Variants in PNPLA7 observed in about 807,000 individuals in gnomAD.
The protein encoded by PNPLA7 is patatin like domain 7, lysophospholipase.
Under a neutral mutation model 161.7 loss-of-function variants are expected in PNPLA7, and 153 were observed. That is an observed-to-expected ratio of 0.95 (90% CI 0.83 to 1.08). PNPLA7 has a LOEUF of 1.08. Among genes scored for constraint, PNPLA7 ranks in the 50% least tolerant of loss-of-function variants. The pLI, the probability that PNPLA7 is intolerant of heterozygous loss-of-function variation, is 0.00. For missense variants in PNPLA7, 1,739 were observed against 1,856.6 expected (o/e 0.94, Z 1.16); for synonymous variants, 809 against 782.1 (o/e 1.03, Z -0.57).
chr9:137,510,896 G>C (rs1261106915), intron 12 of PNPLA7, among the ~76,000 whole-genome samples: 1 of 152,268 alleles, frequency 6.6e-6, no homozygotes, highest in Non-Finnish European at 1.5e-5. Context: ...TAGGATAAGA[G>C]AAAGTTATAT....
rs139510260 is a variant in PNPLA7 at position 137,543,485 on chromosome 9, G to C, written c.453C>G (p.Asp151Glu). The C allele has an allele frequency of 6.2e-6, 10 of 1,613,986 alleles. No individual in the cohort carries two copies. The highest frequency in any genetic ancestry group is 2.2e-5 in the South Asian group (2 of 91,090). Residue 151 changes from aspartate to glutamate, a missense_variant, in exon 6 of 35, where the codon GAC becomes GAG. Coordinates refer to ENST00000406427, the MANE Select transcript of PNPLA7 (RefSeq NM_001098537.3). The surrounding 1 kb of genome is among the most constrained non-coding windows in gnomAD (Gnocchi z 6.9). ...SLLEADLTEFDVKNSHLPSEV... is the reference protein window; with the variant it reads ...SLLEADLTEFEVKNSHLPSEV... ...CCGATGGCAGGTGAGAATTCTTCAC[G>C]TCAAACTCCGTGAGGTCGGCCTCCA...
chr9:137,488,614 C>T (rs1346486532), intron 20 of PNPLA7, among the ~76,000 whole-genome samples: 1 of 152,182 alleles, frequency 6.6e-6, no homozygotes, highest in Non-Finnish European at 1.5e-5. Context: ...GAGTCTGCTT[C>T]CCAGCCACAT....
At chr9:137,508,477 G>T (rs1364468148) in intron 12 of PNPLA7, among the ~76,000 whole-genome samples, 1 of 151,950 alleles carries the variant, frequency 6.6e-6, no homozygotes, top group Admixed American at 6.6e-5. Context: ...TGAGGCAGGA[G>T]AATTGCTTGA....
chr9:137,462,478 C>T (rs924730217), intron 30 of PNPLA7, 147 bp from the exon 31 acceptor site: 1 of 1,413,312 alleles, frequency 7.1e-7, no homozygotes, highest in Non-Finnish European at 9.3e-7. Flanking sequence ...GCCGGGGGTC[C>T]TCCCTGCGGG....
intron 21 of PNPLA7, among the ~76,000 whole-genome samples, chr9:137,483,397 G>A (rs1430306660): frequency 1.3e-5 from 2 of 152,308 alleles, no homozygotes; most frequent in Middle Eastern, 3.4e-3. Context: ...GACGGTCAAG[G>A]CCATCAGACA....
intron 25 of PNPLA7, among the ~76,000 whole-genome samples, chr9:137,474,989 C>T (rs1345531969): frequency 4.5e-5 from 5 of 110,534 alleles, no homozygotes; most frequent in South Asian, 2.8e-4. Flanking sequence ...TCGCTCACTG[C>T]GACAGAACAA....
Position 137,500,099 on chromosome 9 carries a change from G to C in PNPLA7, c.1757+592C>G, listed in dbSNP as rs1431173644. On this transcript the variant is annotated intron_variant, in intron 16 of 34. Transcript: ENST00000406427. The surrounding 1 kb of genome is among the most constrained non-coding windows in gnomAD (Gnocchi z 5.5). The stretch of plus-strand genomic sequence containing the variant: ...CGGGCCGAGGGCAGCTCTGGGCCTG[G>C]AGGGGCCAAATCTGAGACTTACGGG... Among the ~76,000 whole-genome samples, 1 of 152,252 alleles carries C rather than the reference G, an allele frequency of 6.6e-6. No homozygotes were observed. The highest frequency in any genetic ancestry group is 1.5e-5 in the Non-Finnish European group (1 of 68,044).
chr9:137,513,355 T>C (rs958528935), intron 12 of PNPLA7, among the ~76,000 whole-genome samples: 12 of 151,562 alleles, frequency 7.9e-5, no homozygotes, highest in African/African-American at 2.9e-4. Flanking sequence ...CCAGTTGTGG[T>C]GACACCTGCC....
chr9:137,504,167 C>A (rs1032997654), intron 14 of PNPLA7, among the ~76,000 whole-genome samples: 16 of 109,290 alleles, frequency 1.5e-4, no homozygotes, highest in East Asian at 5.6e-4. Context: ...GAGAAGAAGA[C>A]GGAAGAAGAA....
intron 11 of PNPLA7, among the ~76,000 whole-genome samples, chr9:137,518,784 CCACT>C (rs1834808834): frequency 9.5e-5 from 5 of 52,872 alleles, no homozygotes; most frequent in South Asian, 9.7e-4. Context: ...ACTCCATCCC[CCACT>C]CACTCACTCC....
In PNPLA7 at chr9:137,543,689, C is replaced by A. The variant is rs760463424; in HGVS notation, c.365+35G>T. The A allele has an allele frequency of 6.2e-7, 1 of 1,612,440 alleles. No homozygotes were observed. Among genetic ancestry groups the A allele is most frequent in the Non-Finnish European group, 8.5e-7 (1 of 1,178,606 alleles). ...GGGAGGCCAGCACCATGGGGGGCAC[C>A]TGGGGCAGGATGTGGTCTGAAGGAC... On this transcript the variant is annotated intron_variant, in intron 5 of 34. Coordinates refer to ENST00000406427, the MANE Select transcript of PNPLA7 (RefSeq NM_001098537.3). The surrounding 1 kb of genome is among the most constrained non-coding windows in gnomAD (Gnocchi z 6.9).
At chr9:137,548,653 C>A (rs1354288549) in intron 1 of PNPLA7, among the ~76,000 whole-genome samples, 1 of 152,184 alleles carries the variant, frequency 6.6e-6, no homozygotes, top group Non-Finnish European at 1.5e-5. Context: ...GAGGCTGAGG[C>A]AGGAGAATGG....
rs754420732 is a variant in PNPLA7, at chr9:137,479,093, G to A, written c.2726C>T (p.Pro909Leu). The A allele has an allele frequency of 4.1e-5, 65 of 1,598,318 alleles. No homozygotes were observed. The highest frequency in any genetic ancestry group is 6.8e-5 in the Admixed American group (4 of 58,754). ...GCTCCTCCTGGAGAAGACGCGGCGC[G>A]GGCAGCAGAGGTGCAGGTGGCCGGA... is the stretch of plus-strand genomic sequence containing the variant. ...WCSGHLHLCC[P>L]RRVFSRRSLP... Residue 909 changes from proline (P) to leucine (L), a missense_variant, in exon 24 of 35, where the codon CCG becomes CTG. Pro to Leu is a moderately conservative substitution (Grantham distance 98, BLOSUM62 -3). Around this residue, in one of 6 missense-constraint regions of PNPLA7, gnomAD observed 703 missense variants for 694.6 expected, o/e 1.01. Transcript: ENST00000406427.
chr9:137,474,829 A>G (rs1382534642), intron 25 of PNPLA7, among the ~76,000 whole-genome samples: 2 of 149,480 alleles, frequency 1.3e-5, no homozygotes, highest in Admixed American at 1.3e-4. Flanking sequence ...TGGTTAACAC[A>G]GTGAAACCCC....
Position 137,462,226 on chromosome 9 carries a change from T to TGGGG in PNPLA7, c.3594_3597dup (p.Ile1200ProfsTer29), listed in dbSNP as rs761459630. 27 of 1,604,932 alleles carry TGGGG rather than the reference T, an allele frequency of 1.7e-5. No individual in the cohort carries two copies. The South Asian group carries it at 3.0e-4, about 18-fold the overall frequency. Reference sequence around the variant, plus strand: ...AAGTCCAGGGTGCTGTAGCTGTCGATGGGGGGGCGCAGGTACTCGCAGTAG... The same window carrying TGGGG: ...AAGTCCAGGGTGCTGTAGCTGTCGATGGGGGGGGGGGCGCAGGTACTCGCAGTAG... On this transcript the variant is annotated frameshift_variant, in exon 31 of 35. Coordinates refer to ENST00000406427, the MANE Select transcript of PNPLA7 (RefSeq NM_001098537.3). LOFTEE classifies it high-confidence loss of function.
chr9:137,474,417 G>A (rs998212951), intron 25 of PNPLA7, among the ~76,000 whole-genome samples: 5 of 152,160 alleles, frequency 3.3e-5, no homozygotes, highest in Admixed American at 6.5e-5. Context: ...TCTCAGGCAC[G>A]TTATGTCGCG....
rs1836204003 is a variant in PNPLA7 at position 137,541,554 on chromosome 9, C to T, written c.667-832G>A. On this transcript the variant is annotated intron_variant, in intron 7 of 34. Transcript: ENST00000406427. The surrounding 1 kb of genome is among the most constrained non-coding windows in gnomAD (Gnocchi z 4.4). ...CCTGCAGGTCAGGGTGATGATCACA[C>T]AAAGCCCAGGGTTTGCTGAGTGCGT... 1 of 950,702 alleles carries T rather than the reference C, an allele frequency of 1.1e-6. No individual in the cohort carries two copies. The highest frequency in any genetic ancestry group is 6.2e-5 in the Admixed American group (1 of 16,224). The allele number at this position is 950,702 out of a possible 1,614,324, so 58.9% of individuals were successfully genotyped here. A position where few individuals can be genotyped will look rare whatever the true frequency, so the allele number is the denominator to read the frequency against.
At position 137,540,347 on chromosome 9, in the gene PNPLA7, A is replaced by C. The variant is rs567860888; in HGVS notation, c.747+295T>G. On this transcript the variant is annotated intron_variant, in intron 8 of 34. Coordinates refer to ENST00000406427, the MANE Select transcript of PNPLA7 (RefSeq NM_001098537.3). This position sits in a 1 kb window ranked among gnomAD's most constrained non-coding sequence, Gnocchi z 5.1. The stretch of plus-strand genomic sequence containing the variant: ...AGAGGAGAAAACGCCTTCCCTCTAC[A>C]ACACTTTGTGCCTTTTGAATGCTGA... Among the ~76,000 whole-genome samples, 1 of 152,314 alleles carries C rather than the reference A, an allele frequency of 6.6e-6. No homozygotes were observed. The highest frequency in any genetic ancestry group is 1.9e-4 in the East Asian group (1 of 5,184).
intron 1 of PNPLA7, among the ~76,000 whole-genome samples, chr9:137,548,262 G>GAAGACGAC (rs1836651108): frequency 6.6e-6 from 1 of 152,152 alleles, no homozygotes; most frequent in Non-Finnish European, 1.5e-5. Flanking sequence ...GAGAAGACGA[G>GAAGACGAC]AAGACGACAC....
Sources: allele counts gnomAD v4.1 joint callset (sites outside exome capture counted in the v4.1 genomes callset), GRCh38; gene constraint gnomAD v4.1.1; regional missense constraint gnomAD v4.1.1; non-coding constraint Gnocchi (gnomAD v3.1); transcripts MANE v1.5; gene names NCBI Gene and HGNC (gene_info 2026-07-23, HGNC 2026-07-21).